KCNH1: variants seen among roughly 807,000 people sequenced by gnomAD.
The protein encoded by KCNH1 is potassium voltage-gated channel subfamily H member 1.
In KCNH1, 27 loss-of-function variants were observed where a neutral mutation model predicts 69.2. The ratio of observed to expected loss-of-function variants is 0.39; its 90% CI spans 0.29 to 0.54. The LOEUF (loss-of-function observed/expected upper bound fraction) is 0.54, where lower values mean the gene tolerates loss of function less well. Ranked by LOEUF, KCNH1 falls within the 20% of genes least tolerant of loss-of-function variation. The pLI is 0.68. For synonymous variants in KCNH1, 456 were observed against 487.7 expected, an observed-to-expected ratio of 0.93 and a Z score of 0.86; for missense variants, 798 against 1,261.6, an observed-to-expected ratio of 0.63 and a Z score of 5.57.
At chr1:210,828,057 G>A (rs1685070624) in intron 7 of KCNH1, among the ~76,000 whole-genome samples, 1 of 152,050 alleles carries the variant, frequency 6.6e-6, no homozygotes, top group African/African-American at 2.4e-5. Flanking sequence ...TGGCCAGGCT[G>A]GTCTTGAACT....
chr1:210,719,531 A>G (rs1407059076), intron 10 of KCNH1, among the ~76,000 whole-genome samples: 1 of 152,122 alleles, frequency 6.6e-6, no homozygotes, highest in Non-Finnish European at 1.5e-5. Context: ...AGCATCACAC[A>G]CCAGGGCCTG....
chr1:210,784,116 C>T (rs913228525), intron 9 of KCNH1, among the ~76,000 whole-genome samples: 4 of 152,318 alleles, frequency 2.6e-5, no homozygotes, highest in Middle Eastern at 3.4e-3. Flanking sequence ...GGACTCAGAG[C>T]GTGCCAGGTT....
At chr1:210,767,090 A>G (rs1683651305) in intron 10 of KCNH1, among the ~76,000 whole-genome samples, 1 of 152,236 alleles carries the variant, frequency 6.6e-6, no homozygotes, top group African/African-American at 2.4e-5. Context: ...AATAAATAGG[A>G]AAAAGGAAGT....
chr1:211,029,334 TAAAAAAAA>T (rs58241322), intron 5 of KCNH1, among the ~76,000 whole-genome samples: 8 of 23,140 alleles, frequency 3.5e-4, no homozygotes, highest in Non-Finnish European at 4.8e-4. Context: ...TCCTGTCACT[TAAAAAAAA>T]AAAAAAAAAA....
intron 7 of KCNH1, among the ~76,000 whole-genome samples, chr1:210,910,308 C>T (rs1020970516): frequency 6.9e-6 from 1 of 145,788 alleles, no homozygotes; most frequent in African/African-American, 2.5e-5. Context: ...ATCAAATTGG[C>T]CTTACTGCAA....
At chr1:211,077,941 G>GAA (rs540915669) in intron 5 of KCNH1, among the ~76,000 whole-genome samples, 1 of 116,934 alleles carries the variant, frequency 8.6e-6, no homozygotes, top group Non-Finnish European at 1.9e-5. Flanking sequence ...AAAGCAAAAA[G>GAA]AAAAAAAAAA....
chr1:210,748,039 G>A (rs1432092819), intron 10 of KCNH1, among the ~76,000 whole-genome samples: 3 of 152,188 alleles, frequency 2.0e-5, no homozygotes, highest in South Asian at 2.1e-4. Context: ...TGCCAGCCAC[G>A]TGCCTTGGCT....
At chr1:210,794,731 G>C (rs531456649) in intron 9 of KCNH1, among the ~76,000 whole-genome samples, 1 of 152,312 alleles carries the variant, frequency 6.6e-6, no homozygotes, top group South Asian at 2.1e-4. Flanking sequence ...CATATGGTAA[G>C]TTATGAGTGA....
At chr1:210,783,371 C>T (rs995330737) in intron 9 of KCNH1, among the ~76,000 whole-genome samples, 2 of 152,098 alleles carry the variant, frequency 1.3e-5, no homozygotes, top group African/African-American at 2.4e-5. Context: ...TTGACCTTAC[C>T]GAGTGATGGC....
At chr1:210,910,119 C>A (rs1475350197) in intron 7 of KCNH1, among the ~76,000 whole-genome samples, 2 of 145,292 alleles carry the variant, frequency 1.4e-5, no homozygotes, top group Non-Finnish European at 3.0e-5. Flanking sequence ...GGCCTTACTG[C>A]AAAATGTTGC....
chr1:210,833,158 C>T (rs928393367), intron 7 of KCNH1, among the ~76,000 whole-genome samples: 1 of 151,928 alleles, frequency 6.6e-6, no homozygotes, highest in Admixed American at 6.6e-5. Flanking sequence ...GAATAATCAC[C>T]ACTAACAGAT....
chr1:211,127,940 G>A (rs1392798109), intron 1 of KCNH1, among the ~76,000 whole-genome samples: 1 of 152,152 alleles, frequency 6.6e-6, no homozygotes, highest in Non-Finnish European at 1.5e-5. Flanking sequence ...TCCATCAGTG[G>A]CAGATCGGAC....
At position 210,678,468 on chromosome 1, in the gene KCNH1, G is replaced by C. The variant is rs1681189188; in HGVS notation, c.*4813C>G. On this transcript the variant is annotated 3_prime_UTR_variant, in exon 11 of 11. Transcript: ENST00000271751. ...TCCCAAGCCACAGATATACAGTGGT[G>C]TTCTTGGCAGCATCCTCAGCTGACC... The C allele has an allele frequency of 2.0e-5, 3 of 152,126 alleles. No individual in the cohort carries two copies. The highest frequency in any genetic ancestry group is 2.0e-4 in the Admixed American group (3 of 15,268). 9.4% of individuals were successfully genotyped at this position (152,126 alleles called of 1,614,324 possible). A position where few individuals can be genotyped will look rare whatever the true frequency, so the allele number is the denominator to read the frequency against.
At chr1:211,032,896 C>G (rs904639440) in intron 5 of KCNH1, among the ~76,000 whole-genome samples, 2 of 152,094 alleles carry the variant, frequency 1.3e-5, no homozygotes, top group African/African-American at 4.8e-5. Flanking sequence ...TCAACAAAAG[C>G]CAAAATTGAC....
At chr1:210,963,611 C>A (rs1688340559) in intron 6 of KCNH1, among the ~76,000 whole-genome samples, 1 of 151,902 alleles carries the variant, frequency 6.6e-6, no homozygotes, top group South Asian at 2.1e-4. Flanking sequence ...CCTGATGGAA[C>A]TGAAAAACAC....
intron 10 of KCNH1, among the ~76,000 whole-genome samples, chr1:210,728,134 T>C (rs1422115030): frequency 4.6e-5 from 7 of 152,204 alleles, no homozygotes; most frequent in South Asian, 4.1e-4. Context: ...AGGCTCTTCC[T>C]GAAGGAAGGT....
intron 5 of KCNH1, among the ~76,000 whole-genome samples, chr1:211,035,506 C>CCAAAGT (rs1189565283): frequency 6.6e-6 from 1 of 151,522 alleles, no homozygotes; most frequent in Non-Finnish European, 1.5e-5. Context: ...CCTCGGCCTC[C>CCAAAGT]CAAAGTGCTG....
At chr1:210,814,652 A>T (rs1366639076) in intron 7 of KCNH1, among the ~76,000 whole-genome samples, 1 of 152,190 alleles carries the variant, frequency 6.6e-6, no homozygotes, top group Non-Finnish European at 1.5e-5. Context: ...TGAAAGGGGA[A>T]AGATAATCCT....
At chr1:211,064,331 C>A (rs1329685669) in intron 5 of KCNH1, among the ~76,000 whole-genome samples, 2 of 152,148 alleles carry the variant, frequency 1.3e-5, no homozygotes, top group African/African-American at 4.8e-5. Flanking sequence ...GAGGCCAAGG[C>A]GGGTGGATCA....
Sources: gnomAD v4.1 joint callset for allele counts (sites outside exome capture counted in the v4.1 genomes callset) on GRCh38, gnomAD v4.1.1 for gene constraint, MANE v1.5 for transcripts, NCBI Gene and HGNC (gene_info 2026-07-23, HGNC 2026-07-21) for gene names.